Variants in EXOC6B observed in about 807,000 individuals in gnomAD.
The protein encoded by EXOC6B is exocyst complex component 6B.
A neutral mutation model predicts 113.5 loss-of-function variants in EXOC6B; 54 were observed. The observed-to-expected ratio is 0.48, with a 90% CI of 0.38 to 0.60. The LOEUF is 0.60. Among genes scored for constraint, EXOC6B ranks in the 20% least tolerant of loss-of-function variants. EXOC6B has a pLI of 0.00. For missense variants in EXOC6B, 797 were observed against 977.5 expected (o/e 0.82, Z 2.46); for synonymous variants, 357 against 339.0 (o/e 1.05, Z -0.58).
At chr2:72,322,324 G>A (rs1687883536) in intron 20 of EXOC6B, among the ~76,000 whole-genome samples, 1 of 152,090 alleles carries the variant, frequency 6.6e-6, no homozygotes, top group African/African-American at 2.4e-5. Flanking sequence ...GACACAAAGG[G>A]TGCACAAAAG....
intron 20 of EXOC6B, among the ~76,000 whole-genome samples, chr2:72,184,720 T>C (rs779533193): frequency 3.3e-5 from 5 of 152,182 alleles, no homozygotes; most frequent in Non-Finnish European, 5.9e-5. Context: ...TACAGACATA[T>C]ACACATGCCT....
chr2:72,228,527 T>C (rs1372625520), intron 20 of EXOC6B, among the ~76,000 whole-genome samples: 1 of 151,486 alleles, frequency 6.6e-6, no homozygotes, highest in East Asian at 2.0e-4. Context: ...GTTTGGTTTT[T>C]TCCTTGCGAT....
chr2:72,327,308 C>T (rs888371907), intron 20 of EXOC6B, among the ~76,000 whole-genome samples: 1 of 152,082 alleles, frequency 6.6e-6, no homozygotes, highest in South Asian at 2.1e-4. Flanking sequence ...TTCCACCTTC[C>T]CTTCAAGGAC....
chr2:72,290,203 C>T (rs1685697878), intron 20 of EXOC6B, among the ~76,000 whole-genome samples: 2 of 152,188 alleles, frequency 1.3e-5, no homozygotes, highest in Admixed American at 6.5e-5. Context: ...TGGAACATGT[C>T]AGCCTCTATT....
At chr2:72,187,094 G>C (rs1446728799) in intron 20 of EXOC6B, among the ~76,000 whole-genome samples, 1 of 152,156 alleles carries the variant, frequency 6.6e-6, no homozygotes, top group East Asian at 1.9e-4. Context: ...GCAGCTCCAG[G>C]TGCCGGCATG....
chr2:72,737,054 T>A (rs1477726001), intron 2 of EXOC6B, among the ~76,000 whole-genome samples: 1 of 152,154 alleles, frequency 6.6e-6, no homozygotes, highest in Admixed American at 6.5e-5. Context: ...TTCTTTAATA[T>A]GGCCAGGCAT....
chr2:72,378,627 T>A (rs1184059470), intron 19 of EXOC6B, among the ~76,000 whole-genome samples: 1 of 152,232 alleles, frequency 6.6e-6, no homozygotes, highest in African/African-American at 2.4e-5. Flanking sequence ...AATGCCTTTT[T>A]AAATTAAAAA....
intron 6 of EXOC6B, among the ~76,000 whole-genome samples, chr2:72,583,913 G>T (rs1194478024): frequency 6.6e-6 from 1 of 151,882 alleles, no homozygotes; most frequent in Non-Finnish European, 1.5e-5. Context: ...ATAGAGATGG[G>T]GTTTCACCAT....
At chr2:72,318,922 A>G (rs566886617) in intron 20 of EXOC6B, among the ~76,000 whole-genome samples, 74 of 151,812 alleles carry the variant, frequency 4.9e-4, no homozygotes, top group Admixed American at 4.7e-3. Context: ...CCTTAAAATC[A>G]TAAGAACCTA....
intron 6 of EXOC6B, among the ~76,000 whole-genome samples, chr2:72,694,047 G>A (rs1050945508): frequency 2.0e-5 from 3 of 151,936 alleles, no homozygotes; most frequent in Non-Finnish European, 4.4e-5. Context: ...CTATGCCTAT[G>A]ATATAAATGC....
At chr2:72,641,447 G>C (rs1164087405) in intron 6 of EXOC6B, among the ~76,000 whole-genome samples, 1 of 152,260 alleles carries the variant, frequency 6.6e-6, no homozygotes, top group Admixed American at 6.5e-5. Flanking sequence ...CACCCACGAA[G>C]CCTTGCTCAC....
intron 8 of EXOC6B, among the ~76,000 whole-genome samples, chr2:72,526,922 C>T (rs1483742840): frequency 4.6e-5 from 7 of 151,854 alleles, no homozygotes; most frequent in Non-Finnish European, 8.8e-5. Context: ...TCTATCCAGT[C>T]CCCCAAATTT....
intron 5 of EXOC6B, among the ~76,000 whole-genome samples, chr2:72,724,307 G>C (rs1266917888): frequency 6.6e-6 from 1 of 152,194 alleles, no homozygotes; most frequent in Non-Finnish European, 1.5e-5. Flanking sequence ...AAAATGAAGA[G>C]TCGTTGGGGA....
intron 20 of EXOC6B, among the ~76,000 whole-genome samples, chr2:72,256,170 G>A (rs1262284206): frequency 6.6e-6 from 1 of 152,156 alleles, no homozygotes; most frequent in African/African-American, 2.4e-5. Flanking sequence ...GGAGCTCCTG[G>A]GGCCACCAGA....
At chr2:72,762,953 G>A (rs182507352) in intron 1 of EXOC6B, among the ~76,000 whole-genome samples, 240 of 152,080 alleles carry the variant, frequency 1.6e-3, no homozygotes, top group African/African-American at 5.1e-3. Context: ...ATACAAACAC[G>A]TACAATAGCA....
chr2:72,639,239 C>T (rs1240885982), intron 6 of EXOC6B, among the ~76,000 whole-genome samples: 1 of 152,138 alleles, frequency 6.6e-6, no homozygotes, highest in Non-Finnish European at 1.5e-5. Flanking sequence ...AGTGAGACAG[C>T]CCTGACCCCA....
intron 18 of EXOC6B, among the ~76,000 whole-genome samples, chr2:72,439,548 G>A (rs1573121086): frequency 6.6e-6 from 1 of 152,178 alleles, no homozygotes; most frequent in East Asian, 1.9e-4. Flanking sequence ...AATTCTTATG[G>A]TGTGTTTTTC....
intron 16 of EXOC6B, among the ~76,000 whole-genome samples, chr2:72,486,859 TA>T (rs1268125905): frequency 2.7e-5 from 4 of 150,446 alleles, no homozygotes; most frequent in African/African-American, 9.8e-5. Context: ...TCTGTCCCAT[TA>T]AAAAATAAAA....
At chr2:72,732,425 G>A (rs1680702786) in intron 3 of EXOC6B, among the ~76,000 whole-genome samples, 1 of 152,052 alleles carries the variant, frequency 6.6e-6, no homozygotes, top group African/African-American at 2.4e-5. Context: ...TCCTCCCAAA[G>A]CACTGGGATT....
Sources: gnomAD v4.1 joint callset for allele counts (sites outside exome capture counted in the v4.1 genomes callset) on GRCh38, gnomAD v4.1.1 for gene constraint, MANE v1.5 for transcripts, NCBI Gene and HGNC (gene_info 2026-07-23, HGNC 2026-07-21) for gene names.